RIMBP2: variants seen among roughly 807,000 people sequenced by gnomAD.
RIMBP2 encodes the protein RIMS-binding protein 2.
Under a neutral mutation model 118.6 loss-of-function variants are expected in RIMBP2, and 48 were observed. The ratio of observed to expected loss-of-function variants is 0.40; its 90% CI spans 0.32 to 0.51. The LOEUF (loss-of-function observed/expected upper bound fraction) is 0.51, where lower values mean the gene tolerates loss of function less well. Among genes scored for constraint, RIMBP2 ranks in the 20% least tolerant of loss-of-function variants. The probability of loss-of-function intolerance (pLI) is 0.41; values close to 1 mark genes in which losing one functional copy is unlikely to be tolerated. For synonymous variants in RIMBP2, 762 were observed against 742.9 expected (o/e 1.03, Z -0.42); for missense variants, 1,551 against 1,768.3 (o/e 0.88, Z 2.20).
chr12:130,672,661 T>C (rs6486566), intron 1 of RIMBP2, among the ~76,000 whole-genome samples: 102,038 of 152,120 alleles, frequency 0.67, 34,531 homozygotes, highest in Middle Eastern at 0.77. Flanking sequence ...CAGAGGCCAG[T>C]CTGGCAGGCA....
At chr12:130,493,830 A>C (rs1475120828) in intron 4 of RIMBP2, among the ~76,000 whole-genome samples, 2 of 152,230 alleles carry the variant, frequency 1.3e-5, no homozygotes, top group African/African-American at 4.8e-5. Context: ...TCATTTATGT[A>C]CATGAAAGAG....
At chr12:130,692,868 GGGT>G in intron 1 of RIMBP2, among the ~76,000 whole-genome samples, 1 of 148,242 alleles carries the variant, frequency 6.7e-6, no homozygotes, top group African/African-American at 2.6e-5. Flanking sequence ...GGGTAGGGTA[GGGT>G]AGGGTAGGGT....
intron 1 of RIMBP2, among the ~76,000 whole-genome samples, chr12:130,650,850 A>G (rs1183368665): frequency 6.6e-6 from 1 of 152,118 alleles, no homozygotes; most frequent in Non-Finnish European, 1.5e-5. Context: ...TATGCCCTAA[A>G]AGAAAATCGC....
rs1197284598 is a variant in RIMBP2, at chr12:130,710,679, C to G, written c.-352+5543G>C. On this transcript the variant is annotated intron_variant, in intron 1 of 22. Coordinates refer to ENST00000690449, the MANE Select transcript of RIMBP2 (RefSeq NM_001393629.1). This position sits in a 1 kb window ranked among gnomAD's most constrained non-coding sequence, Gnocchi z 4.3. ...CCAGGCTCAGCACCAACAGGAAGGA[C>G]CTGTCCACACAGCTAGGCCAAGGAG... 6.6e-6 allele frequency among the ~76,000 whole-genome samples: 1 copy of G among 152,218 alleles called. No homozygotes were observed. Among genetic ancestry groups the G allele is most frequent in the Non-Finnish European group, 1.5e-5 (1 of 68,032 alleles).
Position 130,424,954 on chromosome 12 carries a change from G to T in RIMBP2, c.2413-96C>A. Reference sequence around the variant, plus strand: ...AGGAAAGAAAATACAGACAGAATTAGTCCTGGAGGCACCGAGGGGGGGGAA... The same window carrying T: ...AGGAAAGAAAATACAGACAGAATTATTCCTGGAGGCACCGAGGGGGGGGAA... On this transcript the variant is annotated intron_variant, in intron 15 of 22. Transcript: ENST00000690449. This position sits in a 1 kb window ranked among gnomAD's most constrained non-coding sequence, Gnocchi z 9.8. The T allele has an allele frequency of 1.5e-6, 1 of 685,562 alleles. No homozygotes were observed. The highest frequency in any genetic ancestry group is 2.0e-6 in the Non-Finnish European group (1 of 490,074). The allele number at this position is 685,562 out of a possible 1,614,324, so 42.5% of individuals were successfully genotyped here.
At chr12:130,483,508 G>C (rs955014905) in intron 4 of RIMBP2, among the ~76,000 whole-genome samples, 1 of 152,222 alleles carries the variant, frequency 6.6e-6, no homozygotes, top group African/African-American at 2.4e-5. Context: ...TCCTGCTGGG[G>C]GCTGGCCTGT....
rs1344655566 is a variant in RIMBP2 at position 130,664,938 on chromosome 12, C to T, written c.-351-36482G>A. Among the ~76,000 whole-genome samples, 3 of 151,658 alleles carry T rather than the reference C, an allele frequency of 2.0e-5. No homozygotes were observed. The South Asian group carries it at 6.2e-4, about 31-fold the overall frequency. On this transcript the variant is annotated intron_variant, in intron 1 of 22. Transcript: ENST00000690449. The stretch of plus-strand genomic sequence containing the variant: ...GGCCGGAGGGACAACAGGAAAACTG[C>T]CCCTTGTACTAATCAATCAACCGGA...
intron 2 of RIMBP2, among the ~76,000 whole-genome samples, chr12:130,574,264 G>T (rs2057916339): frequency 6.6e-6 from 1 of 151,300 alleles, no homozygotes; most frequent in Non-Finnish European, 1.5e-5. Context: ...CAGCTGTCCT[G>T]TTGGGGGGGT....
At chr12:130,455,205 G>C (rs1259774561) in intron 7 of RIMBP2, among the ~76,000 whole-genome samples, 2 of 152,264 alleles carry the variant, frequency 1.3e-5, no homozygotes, top group African/African-American at 4.8e-5. Context: ...TTTCCCCTGG[G>C]AAGAACGGAA....
chr12:130,571,915 C>A (rs2057697107), intron 2 of RIMBP2, among the ~76,000 whole-genome samples: 1 of 152,208 alleles, frequency 6.6e-6, no homozygotes, highest in East Asian at 1.9e-4. Context: ...CTGGACACCC[C>A]TAGAGCCCCC....
intron 6 of RIMBP2, 83 bp downstream of exon 6, chr12:130,470,610 C>A: frequency 1.3e-6 from 1 of 751,300 alleles, no homozygotes. Context: ...TCATAAACAT[C>A]ATCTATTATT....
intron 1 of RIMBP2, among the ~76,000 whole-genome samples, chr12:130,653,829 TGGCCCAAGCTACACCCA>T (rs1477626685): frequency 6.6e-6 from 1 of 152,226 alleles, no homozygotes; most frequent in Non-Finnish European, 1.5e-5. Flanking sequence ...CTCAGAACTC[TGGCCCAAGCTACACCCA>T]GGGTCCTTTG....
intron 3 of RIMBP2, among the ~76,000 whole-genome samples, chr12:130,507,930 G>A (rs192349686): frequency 6.6e-6 from 1 of 152,286 alleles, no homozygotes; most frequent in African/African-American, 2.4e-5. Flanking sequence ...CAAAAGAAAG[G>A]GAGGCACCCA....
At chr12:130,439,591 G>A (rs2077891722) in intron 11 of RIMBP2, among the ~76,000 whole-genome samples, 1 of 125,608 alleles carries the variant, frequency 8.0e-6, no homozygotes, top group South Asian at 2.8e-4. Context: ...GGGGGTATGT[G>A]TGTGGGGGTG....
chr12:130,626,982 CT>C (rs2061681190), intron 2 of RIMBP2, among the ~76,000 whole-genome samples: 1 of 152,046 alleles, frequency 6.6e-6, no homozygotes, highest in Non-Finnish European at 1.5e-5. Context: ...TCACCATCAT[CT>C]TCTCCATCAC....
In RIMBP2 at chr12:130,438,460, T is replaced by A; in HGVS notation, c.1561A>T (p.Ile521Phe). The change falls in exon 12 of 23, where the codon ATC (isoleucine) becomes TTC (phenylalanine). Residue 521 changes from isoleucine to phenylalanine, a missense_variant. Transcript: ENST00000690449. ...ACAGGTGGTCTCCAGGAGACCCGGA[T>A]GGTGGCGGGGGTCACCCCAGCCTGG... is the stretch of plus-strand genomic sequence containing the variant. ...TVQAGVTPAT[I>F]RVSWRPPVLT... 6 of 1,612,496 alleles carry A rather than the reference T, an allele frequency of 3.7e-6. No individual in the cohort carries two copies. Among genetic ancestry groups the A allele is most frequent in the Non-Finnish European group, 5.1e-6 (6 of 1,179,578 alleles).
At chr12:130,593,329 G>A (rs2059385086) in intron 2 of RIMBP2, among the ~76,000 whole-genome samples, 1 of 152,238 alleles carries the variant, frequency 6.6e-6, no homozygotes, top group African/African-American at 2.4e-5. Flanking sequence ...GGAGGATGGG[G>A]CTGGGGGTGC....
chr12:130,636,569 A>G (rs952749567), intron 1 of RIMBP2, among the ~76,000 whole-genome samples: 18 of 152,354 alleles, frequency 1.2e-4, no homozygotes, highest in Admixed American at 9.1e-4. Flanking sequence ...ATAACCACAT[A>G]GCTCTTAGCC....
rs556582914 is a variant in RIMBP2, at chr12:130,711,099, C to T, written c.-352+5123G>A. On this transcript the variant is annotated intron_variant, in intron 1 of 22. Transcript: ENST00000690449. The stretch of plus-strand genomic sequence containing the variant: ...CTCTATTAAAAATACAAAACTTAGC[C>T]GGGCGTGGTAGCCCACGCCTGTAAT... 1.0e-3 allele frequency among the ~76,000 whole-genome samples: 155 copies of T among 152,274 alleles called. 3 individuals carry two copies. The highest frequency in any genetic ancestry group is 3.7e-3 in the African/African-American group (152 of 41,564).
Sources: gnomAD v4.1 joint callset for allele counts (sites outside exome capture counted in the v4.1 genomes callset) on GRCh38, gnomAD v4.1.1 for gene constraint, Gnocchi (gnomAD v3.1) non-coding constraint, MANE v1.5 for transcripts, NCBI Gene and HGNC (gene_info 2026-07-23, HGNC 2026-07-21) for gene names.